Variants in ABCC4 observed in about 807,000 individuals in gnomAD.
ABCC4 encodes the protein ATP binding cassette subfamily C member 4 (PEL blood group).
In ABCC4, 102 loss-of-function variants were observed where a neutral mutation model predicts 168.5. The ratio of observed to expected loss-of-function variants is 0.61; its 90% CI spans 0.52 to 0.71. The LOEUF (loss-of-function observed/expected upper bound fraction) is 0.71, where lower values mean the gene tolerates loss of function less well. Ranked by LOEUF, ABCC4 falls within the 30% of genes least tolerant of loss-of-function variation. ABCC4 has a pLI of 0.00. For missense variants in ABCC4, 1,402 were observed against 1,605.8 expected (o/e 0.87, Z 2.17); for synonymous variants, 617 against 590.7 (o/e 1.04, Z -0.65).
intron 1 of ABCC4, among the ~76,000 whole-genome samples, chr13:95,280,655 C>G (rs1305196478): frequency 6.6e-6 from 1 of 151,184 alleles, no homozygotes; most frequent in Non-Finnish European, 1.5e-5. Context: ...TGAGACGGCT[C>G]TCTGTGGGAT....
At chr13:95,105,043 T>C (rs1189430) in intron 20 of ABCC4, among the ~76,000 whole-genome samples, 141,963 of 151,858 alleles carry the variant, frequency 0.93, 66,473 homozygotes, top group Non-Finnish European at 0.96. Context: ...TTATACAACT[T>C]ACCATAATGT....
At chr13:95,257,171 T>C (rs1378050288) in intron 1 of ABCC4, among the ~76,000 whole-genome samples, 1 of 152,252 alleles carries the variant, frequency 6.6e-6, no homozygotes, top group African/African-American at 2.4e-5. Context: ...CTATGTATTA[T>C]ATACTACATT....
rs547174597 is a variant in ABCC4 at position 95,199,721 on chromosome 13, G to GT, written c.1162-4785dup. ...CTGCTTGCTGCATCAGCCTCCTGAC[G>GT]TATCTCCCTGCCTCTACTCTGGGCC... On this transcript the variant is annotated intron_variant, in intron 8 of 30. Transcript: ENST00000645237. Among the ~76,000 whole-genome samples the GT allele has an allele frequency of 1.4e-3, 207 of 152,164 alleles. 3 individuals carry two copies. The South Asian group carries it at 0.037, about 27-fold the overall frequency.
chr13:95,195,663 C>G (rs1249265024), intron 8 of ABCC4, among the ~76,000 whole-genome samples: 1 of 152,100 alleles, frequency 6.6e-6, no homozygotes, highest in East Asian at 1.9e-4. Context: ...GAGACAGAGT[C>G]TCACTCTGTC....
intron 3 of ABCC4, among the ~76,000 whole-genome samples, chr13:95,245,850 A>C (rs2040089714): frequency 6.9e-6 from 1 of 144,260 alleles, no homozygotes; most frequent in Non-Finnish European, 1.5e-5. Context: ...AACAGGAGCA[A>C]ACCCCCCCAC....
At chr13:95,169,867 AT>A (rs1367668554) in intron 14 of ABCC4, among the ~76,000 whole-genome samples, 5 of 151,862 alleles carry the variant, frequency 3.3e-5, no homozygotes, top group African/African-American at 9.7e-5. Flanking sequence ...TTTAATTTTT[AT>A]TTTTTTGAGA....
At chr13:95,215,307 G>A (rs78503550) in intron 4 of ABCC4, among the ~76,000 whole-genome samples, 1 of 151,784 alleles carries the variant, frequency 6.6e-6, no homozygotes, top group East Asian at 2.0e-4. Context: ...GGGCTGACGT[G>A]GGAGAATCGC....
chr13:95,089,416 G>A (rs2034357774), intron 20 of ABCC4, among the ~76,000 whole-genome samples: 1 of 152,124 alleles, frequency 6.6e-6, no homozygotes, highest in Non-Finnish European at 1.5e-5. Flanking sequence ...TCAGGAGTTT[G>A]AGACCAGCCT....
At chr13:95,154,323 G>A (rs991603246) in intron 19 of ABCC4, among the ~76,000 whole-genome samples, 16 of 152,134 alleles carry the variant, frequency 1.1e-4, no homozygotes, top group African/African-American at 9.7e-5. Context: ...CAAGGGGGTG[G>A]GAGGGAAAGC....
intron 1 of ABCC4, among the ~76,000 whole-genome samples, chr13:95,293,884 G>A (rs117924874): frequency 0.016 from 2,449 of 151,452 alleles, 52 homozygotes; most frequent in East Asian, 0.083. Flanking sequence ...GGGTTAAAGC[G>A]ATTCTCCTGC....
intron 1 of ABCC4, among the ~76,000 whole-genome samples, chr13:95,279,266 C>G (rs980259450): frequency 6.6e-6 from 1 of 152,234 alleles, no homozygotes; most frequent in African/African-American, 2.4e-5. Context: ...TCTCTATCTG[C>G]TAAAGCGCTT....
At chr13:95,247,616 A>ATT (rs756503512) in intron 2 of ABCC4, 27 bp downstream of exon 2, 1 of 1,574,228 alleles carries the variant, frequency 6.4e-7, no homozygotes, top group South Asian at 1.1e-5. Context: ...CGCTTCCTTA[A>ATT]TGCCCACTTT....
At chr13:95,158,428 C>T (rs1392883527) in intron 19 of ABCC4, among the ~76,000 whole-genome samples, 6 of 152,144 alleles carry the variant, frequency 3.9e-5, no homozygotes, top group African/African-American at 4.8e-5. Flanking sequence ...GCCAGACCCC[C>T]GGTGTGAATC....
At chr13:95,163,000 C>T (rs1022611128) in intron 18 of ABCC4, 122 bp downstream of exon 18, 38 of 694,696 alleles carry the variant, frequency 5.5e-5, no homozygotes, top group South Asian at 5.2e-4. Context: ...AGAGTAAATT[C>T]GACTGAGACT....
intron 1 of ABCC4, among the ~76,000 whole-genome samples, chr13:95,255,262 C>T (rs2040365014): frequency 6.6e-6 from 1 of 152,214 alleles, no homozygotes; most frequent in African/African-American, 2.4e-5. Flanking sequence ...GACCCCAAAA[C>T]CTGAATGCCT....
At chr13:95,163,097 A>G (rs752038715) in intron 18 of ABCC4, 25 bp downstream of exon 18, 11 of 1,544,850 alleles carry the variant, frequency 7.1e-6, no homozygotes, top group Middle Eastern at 1.7e-4. Context: ...CCTCTCATAC[A>G]ATACACCAAA....
chr13:95,243,917 G>A (rs537484477), intron 3 of ABCC4, among the ~76,000 whole-genome samples: 24 of 149,170 alleles, frequency 1.6e-4, no homozygotes, highest in Admixed American at 2.7e-4. Context: ...AAAAGAGTTC[G>A]TGGTCAACCT....
intron 20 of ABCC4, among the ~76,000 whole-genome samples, chr13:95,105,566 T>C (rs747624774): frequency 7.9e-5 from 12 of 152,202 alleles, no homozygotes; most frequent in Admixed American, 7.9e-4. Context: ...AGTGCTGCTA[T>C]TGGTTTCACT....
chr13:95,264,123 T>C (rs930711253), intron 1 of ABCC4, among the ~76,000 whole-genome samples: 1 of 151,924 alleles, frequency 6.6e-6, no homozygotes, highest in African/African-American at 2.4e-5. Flanking sequence ...ATCTAATAAA[T>C]AAAATTATTC....
Sources: allele counts gnomAD v4.1 joint callset (sites outside exome capture counted in the v4.1 genomes callset), GRCh38; gene constraint gnomAD v4.1.1; transcripts MANE v1.5; gene names NCBI Gene and HGNC (gene_info 2026-07-23, HGNC 2026-07-21).